PTGER4: variants seen among roughly 807,000 people sequenced by gnomAD.
PTGER4 encodes prostaglandin E receptor 4.
In PTGER4, 11 loss-of-function variants were observed where a neutral mutation model predicts 33.2. The observed-to-expected ratio is 0.33, with a 90% CI of 0.21 to 0.55. PTGER4 has a LOEUF of 0.55. Among genes scored for constraint, PTGER4 ranks in the 20% least tolerant of loss-of-function variants. The pLI is 0.92. For synonymous variants in PTGER4, 275 were observed against 281.5 expected, an observed-to-expected ratio of 0.98 and a Z score of 0.23; for missense variants, 481 against 650.2, an observed-to-expected ratio of 0.74 and a Z score of 2.83.
the PTGER4 span, among the ~76,000 whole-genome samples, chr5:40,742,145 C>T: frequency 6.6e-6 from 1 of 151,776 alleles, no homozygotes; most frequent in East Asian, 1.9e-4. Flanking sequence ...TGTTTGGGGC[C>T]ATCCAGGTCT....
chr5:40,736,210 G>A, the PTGER4 span, among the ~76,000 whole-genome samples: 27 of 152,150 alleles, frequency 1.8e-4, no homozygotes, highest in Non-Finnish European at 3.2e-4. Flanking sequence ...AGATGTGCTG[G>A]TGAGAAAATA....
the PTGER4 span, among the ~76,000 whole-genome samples, chr5:40,733,502 C>G: frequency 1.6e-4 from 24 of 151,954 alleles, no homozygotes. Context: ...TCTACTTGGC[C>G]CAACCACTGT....
the PTGER4 span, among the ~76,000 whole-genome samples, chr5:40,716,663 T>TG: frequency 6.6e-6 from 1 of 152,140 alleles, no homozygotes; most frequent in Non-Finnish European, 1.5e-5. Flanking sequence ...CCCTAAACAC[T>TG]GGGGAAAAAA....
the PTGER4 span, among the ~76,000 whole-genome samples, chr5:40,708,485 G>A: frequency 6.6e-6 from 1 of 152,176 alleles, no homozygotes; most frequent in East Asian, 1.9e-4. Flanking sequence ...AAACCAGGAA[G>A]AAGTTGAATC....
At chr5:40,698,607 G>T (rs1225064300), downstream of PTGER4, among the ~76,000 whole-genome samples, 1 of 152,110 alleles carries the variant, frequency 6.6e-6, no homozygotes, top group Non-Finnish European at 1.5e-5. Flanking sequence ...CTAAAGTTCA[G>T]GATGTATATG....
chr5:40,743,002 T>C, the PTGER4 span, among the ~76,000 whole-genome samples: 1 of 152,198 alleles, frequency 6.6e-6, no homozygotes, highest in East Asian at 1.9e-4. Context: ...GAAGACACTA[T>C]ACAAGTTAGA....
chr5:40,692,120 C>T lies in PTGER4; in HGVS notation c.1209C>T (p.Asp403=), dbSNP rs755049854. 3 of 1,614,250 alleles carry T rather than the reference C, an allele frequency of 1.9e-6. No individual in the cohort carries two copies. In the South Asian group the frequency reaches 3.3e-5, roughly 18 times the overall value. ...QTLLPDLSLP[D]LSENGLGGRN... ...TCCTGCCAGACCTCTCACTGCCAGA[C>T]CTCAGTGAAAATGGCCTTGGAGGCA... is the stretch of plus-strand genomic sequence containing the variant. The change falls in exon 3 of 3, where the codon GAC becomes GAT. Residue 403 remains aspartate, a synonymous_variant. Transcript: ENST00000302472.
chr5:40,720,496 T>C, the PTGER4 span, among the ~76,000 whole-genome samples: 2 of 152,162 alleles, frequency 1.3e-5, no homozygotes, highest in Non-Finnish European at 2.9e-5. Context: ...TTAAAGTAAA[T>C]CCAAAGAGCT....
At chr5:40,688,237 T>G (rs1741376630) in intron 2 of PTGER4, among the ~76,000 whole-genome samples, 1 of 152,146 alleles carries the variant, frequency 6.6e-6, no homozygotes, top group Non-Finnish European at 1.5e-5. Context: ...GGTTCAGACT[T>G]AACCAAAATT....
chr5:40,722,580 C>T, the PTGER4 span, among the ~76,000 whole-genome samples: 1 of 151,460 alleles, frequency 6.6e-6, no homozygotes, highest in Non-Finnish European at 1.5e-5. Flanking sequence ...AACTGAGGAG[C>T]GTCTCTGACC....
At chr5:40,718,245 G>A in the PTGER4 span, among the ~76,000 whole-genome samples, 1 of 150,986 alleles carries the variant, frequency 6.6e-6, no homozygotes, top group Non-Finnish European at 1.5e-5. Flanking sequence ...CTCTACTAAA[G>A]ATACAAAAAA....
the PTGER4 span, among the ~76,000 whole-genome samples, chr5:40,739,007 T>C: frequency 6.6e-6 from 1 of 152,320 alleles, no homozygotes; most frequent in East Asian, 1.9e-4. Flanking sequence ...TGACTTTTCA[T>C]GTTCTCAATT....
At chr5:40,700,021 T>G in the PTGER4 span, among the ~76,000 whole-genome samples, 1 of 152,150 alleles carries the variant, frequency 6.6e-6, no homozygotes, top group African/African-American at 2.4e-5. Context: ...CTCTCTTTAT[T>G]CATAAAGACA....
At chr5:40,727,196 GT>G in the PTGER4 span, among the ~76,000 whole-genome samples, 2 of 152,146 alleles carry the variant, frequency 1.3e-5, no homozygotes, top group African/African-American at 4.8e-5. Context: ...CTGTTAGTAA[GT>G]TTATATTTTG....
the PTGER4 span, among the ~76,000 whole-genome samples, chr5:40,734,626 A>G: frequency 6.6e-6 from 1 of 152,166 alleles, no homozygotes; most frequent in Non-Finnish European, 1.5e-5. Flanking sequence ...TAGCTACTTT[A>G]CTCCCAATTA....
chr5:40,729,947 C>G, the PTGER4 span, among the ~76,000 whole-genome samples: 1 of 152,206 alleles, frequency 6.6e-6, no homozygotes, highest in Non-Finnish European at 1.5e-5. Flanking sequence ...GATCCACCCA[C>G]CTCGGCCTCC....
the PTGER4 span, among the ~76,000 whole-genome samples, chr5:40,718,738 GA>G: frequency 5.1e-4 from 70 of 138,556 alleles, no homozygotes; most frequent in Admixed American, 7.3e-4. Flanking sequence ...ATTCCGTCTC[GA>G]AAAAAAAAAA....
downstream of PTGER4, among the ~76,000 whole-genome samples, chr5:40,697,591 AAACAAAAAAAC>A (rs1483054973): frequency 6.7e-6 from 1 of 149,198 alleles, no homozygotes; most frequent in Non-Finnish European, 1.5e-5. Flanking sequence ...CTCAAAAAAA[AAACAAAAAAAC>A]AAAGAAAAAA....
In PTGER4 at chr5:40,688,761, G is replaced by T. The variant is rs144177555; in HGVS notation, c.868-3018G>T. Among the ~76,000 whole-genome samples the T allele has an allele frequency of 2.6e-3, 396 of 152,254 alleles. 5 individuals are homozygous for T. The highest frequency in any genetic ancestry group is 9.1e-3 in the African/African-American group (379 of 41,540). On this transcript the variant is annotated intron_variant, in intron 2 of 2. Transcript: ENST00000302472. ...GATGCTTTATTTTACTTTCTGTAAA[G>T]ATTTTTTTTTAAATCAAGTATGCTT...
Sources: allele counts gnomAD v4.1 joint callset (sites outside exome capture counted in the v4.1 genomes callset), GRCh38; gene constraint gnomAD v4.1.1; transcripts MANE v1.5; gene names NCBI Gene and HGNC (gene_info 2026-07-23, HGNC 2026-07-21).